The following TTC17 variants were observed in gnomAD, a reference collection of about 807,000 sequenced individuals.
The protein encoded by TTC17 is tetratricopeptide repeat domain 17, also known as tetratricopeptide repeat protein 17.
TTC17 carries 58 observed loss-of-function variants against 143.8 expected under a neutral mutation model. The ratio of observed to expected loss-of-function variants is 0.40; its 90% CI spans 0.33 to 0.50. TTC17 has a LOEUF of 0.50. Among genes scored for constraint, TTC17 ranks in the 20% least tolerant of loss-of-function variants. The pLI is 0.49. For synonymous variants in TTC17, 501 were observed against 497.8 expected (o/e 1.01, Z -0.09); for missense variants, 1,273 against 1,392.5 (o/e 0.91, Z 1.37).
At chr11:43,394,151 G>GT (rs1565142388) in intron 5 of TTC17, among the ~76,000 whole-genome samples, 1 of 152,206 alleles carries the variant, frequency 6.6e-6, no homozygotes, top group Non-Finnish European at 1.5e-5. Context: ...CTTTCAGTCC[G>GT]TAACAGGTGG....
intron 16 of TTC17, 91 bp from the exon 17 acceptor site, chr11:43,443,234 A>T: frequency 6.6e-7 from 1 of 1,508,578 alleles, no homozygotes. Flanking sequence ...AGCAGAGCCA[A>T]AACGTTTCTC....
At chr11:43,419,392 T>G (rs1946848524) in intron 16 of TTC17, among the ~76,000 whole-genome samples, 1 of 152,250 alleles carries the variant, frequency 6.6e-6, no homozygotes, top group South Asian at 2.1e-4. Context: ...TAGCATCTAT[T>G]TATGTAAATC....
Position 43,399,912 on chromosome 11 carries a change from G to T in TTC17, c.1083G>T (p.Glu361Asp), listed in dbSNP as rs1251163832. The change falls in exon 9 of 24, where the codon GAG becomes GAT. Residue 361 changes from glutamate to aspartate, a missense_variant. Coordinates refer to ENST00000039989, the MANE Select transcript of TTC17 (RefSeq NM_018259.6). ...GATCTCTCCAGCGAACACTGAATGA[G>T]TTAAAAGAGTATCAAAAGCAGCATG... ...QHRSLQRTLN[E>D]LKEYQKQHDH... is the part of the protein sequence containing the mutation. The T allele has an allele frequency of 3.1e-6, 5 of 1,613,360 alleles. No homozygotes were observed. In the African/African-American group the frequency reaches 4.0e-5, roughly 13 times the overall value.
intron 1 of TTC17, among the ~76,000 whole-genome samples, chr11:43,374,603 C>G (rs1406252698): frequency 6.6e-6 from 1 of 151,962 alleles, no homozygotes; most frequent in Non-Finnish European, 1.5e-5. Flanking sequence ...GCAAACGACA[C>G]AAACAGGCAC....
intron 16 of TTC17, among the ~76,000 whole-genome samples, chr11:43,441,026 TAGAG>T (rs957671365): frequency 9.9e-5 from 15 of 151,570 alleles, no homozygotes; most frequent in Admixed American, 6.6e-5. Context: ...TCCAAGCACT[TAGAG>T]AGCCTGAGGT....
intron 2 of TTC17, 136 bp downstream of exon 2, chr11:43,379,458 A>G (rs530644871): frequency 2.1e-5 from 13 of 623,412 alleles, no homozygotes; most frequent in African/African-American, 5.9e-5. Context: ...ACTACCTGCA[A>G]TGTGTGTGTG....
At chr11:43,444,319 G>T (rs1947490944) in intron 18 of TTC17, 110 bp downstream of exon 18, 1 of 1,103,110 alleles carries the variant, frequency 9.1e-7, no homozygotes, top group South Asian at 2.2e-5. Flanking sequence ...TGATAAAGGG[G>T]CAAAGTGTGG....
chr11:43,476,527 G>A (rs1331557775), intron 21 of TTC17, among the ~76,000 whole-genome samples: 1 of 152,208 alleles, frequency 6.6e-6, no homozygotes, highest in Admixed American at 6.5e-5. Flanking sequence ...AAATCTAGGT[G>A]GAGGTTCCCA....
chr11:43,384,108 G>T (rs539291187), intron 2 of TTC17, among the ~76,000 whole-genome samples: 143 of 150,604 alleles, frequency 9.5e-4, no homozygotes, highest in Non-Finnish European at 1.6e-3. Context: ...TAGTACCACC[G>T]CACTCCAGCA....
rs563383300 is a variant in TTC17 at position 43,408,954 on chromosome 11, G to T, written c.2064+1377G>T. The stretch of plus-strand genomic sequence containing the variant: ...GATGGGGTTTCACCATGTTGCCAAG[G>T]CTGGTCTTGAACACCCGAGCTCAAG... On this transcript the variant is annotated intron_variant, in intron 15 of 23. Coordinates refer to ENST00000039989, the MANE Select transcript of TTC17 (RefSeq NM_018259.6). 2.0e-5 allele frequency among the ~76,000 whole-genome samples: 3 copies of T among 152,022 alleles called. No homozygotes were observed. The East Asian group carries it at 5.8e-4, about 30-fold the overall frequency.
chr11:43,428,798 A>C (rs1190095177), intron 16 of TTC17, among the ~76,000 whole-genome samples: 2 of 152,204 alleles, frequency 1.3e-5, no homozygotes, highest in Admixed American at 6.5e-5. Context: ...ACACATTCAT[A>C]TTTGGGAATC....
intron 7 of TTC17, 44 bp downstream of exon 7, chr11:43,397,535 T>TTA: frequency 1.2e-5 from 17 of 1,455,176 alleles, no homozygotes; most frequent in South Asian, 1.4e-5. Flanking sequence ...AGTTGCCACT[T>TTA]TCTTTTTTTT....
Position 43,399,869 on chromosome 11 carries a change from G to C in TTC17, c.1059-19G>C. ...GATTTTATAGCTCTAACTTTTTCCT[G>C]GTATTAAAAAATGTTAAGATCTCTC... On this transcript the variant is annotated intron_variant, in intron 8 of 23. Transcript: ENST00000039989. 6.4e-7 allele frequency: 1 copy of C among 1,572,562 alleles called. No homozygotes were observed. The highest frequency in any genetic ancestry group is 8.6e-7 in the Non-Finnish European group (1 of 1,163,138).
chr11:43,413,675 A>G (rs889558604), intron 15 of TTC17, among the ~76,000 whole-genome samples: 1 of 151,962 alleles, frequency 6.6e-6, no homozygotes, highest in East Asian at 1.9e-4. Context: ...CACTTCAGAA[A>G]TGAGGATATC....
chr11:43,472,643 A>T (rs1035977396), intron 21 of TTC17, among the ~76,000 whole-genome samples: 1 of 152,152 alleles, frequency 6.6e-6, no homozygotes, highest in Non-Finnish European at 1.5e-5. Context: ...AATATAAATC[A>T]TCTTACTAAA....
chr11:43,386,649 A>G (rs914231277), intron 2 of TTC17, among the ~76,000 whole-genome samples: 1 of 152,340 alleles, frequency 6.6e-6, no homozygotes, highest in African/African-American at 2.4e-5. Flanking sequence ...TTTTTCTTCA[A>G]ATGACAAAAT....
intron 21 of TTC17, among the ~76,000 whole-genome samples, chr11:43,481,963 C>T (rs996175114): frequency 2.0e-5 from 3 of 152,008 alleles, no homozygotes; most frequent in African/African-American, 7.2e-5. Flanking sequence ...GCTTGCACCA[C>T]CATGCCTGGC....
chr11:43,446,473 C>A (rs1321042338), intron 18 of TTC17: 2 of 334,694 alleles, frequency 6.0e-6, no homozygotes, highest in Non-Finnish European at 8.5e-6. Flanking sequence ...TTTTATGGTT[C>A]TCAGCCCCTT....
At chr11:43,459,582 G>A (rs1185247043) in intron 21 of TTC17, among the ~76,000 whole-genome samples, 1 of 152,180 alleles carries the variant, frequency 6.6e-6, no homozygotes, top group Non-Finnish European at 1.5e-5. Context: ...TACTTTGAAT[G>A]TCAATCAGGG....
Sources: allele counts gnomAD v4.1 joint callset (sites outside exome capture counted in the v4.1 genomes callset), GRCh38; gene constraint gnomAD v4.1.1; transcripts MANE v1.5; gene names NCBI Gene and HGNC (gene_info 2026-07-23, HGNC 2026-07-21).